UBAC2: variants seen among roughly 807,000 people sequenced by gnomAD.
The protein encoded by UBAC2 is ubiquitin-associated domain-containing protein 2.
In UBAC2, 26 loss-of-function variants were observed where a neutral mutation model predicts 44.0. That is an observed-to-expected ratio of 0.59 (90% CI 0.43 to 0.82). The LOEUF is 0.82. UBAC2 is among the 40% of genes least tolerant of loss of function. The pLI, the probability that UBAC2 is intolerant of heterozygous loss-of-function variation, is 0.00. For missense variants in UBAC2, 329 were observed against 419.4 expected, an observed-to-expected ratio of 0.78 and a Z score of 1.88; for synonymous variants, 155 against 154.3, an observed-to-expected ratio of 1.00 and a Z score of -0.04.
chr13:99,250,618 TGG>T (rs2043446292), intron 4 of UBAC2, among the ~76,000 whole-genome samples: 1 of 152,224 alleles, frequency 6.6e-6, no homozygotes, highest in South Asian at 2.1e-4. Context: ...AATGACATTG[TGG>T]TTTGCTAGGA....
At chr13:99,384,043 C>A (rs1437784481) in intron 8 of UBAC2, among the ~76,000 whole-genome samples, 1 of 152,252 alleles carries the variant, frequency 6.6e-6, no homozygotes, top group East Asian at 1.9e-4. Flanking sequence ...CATGCCCAGG[C>A]CCATGCCCGG....
At chr13:99,223,999 T>C (rs1279060253) in intron 1 of UBAC2, among the ~76,000 whole-genome samples, 2 of 152,188 alleles carry the variant, frequency 1.3e-5, no homozygotes, top group African/African-American at 2.4e-5. Context: ...TCAGGCCAAA[T>C]TGGTTGATAA....
intron 4 of UBAC2, among the ~76,000 whole-genome samples, chr13:99,300,154 C>G (rs968617391): frequency 4.6e-5 from 7 of 152,232 alleles, no homozygotes; most frequent in Admixed American, 3.9e-4. Context: ...GGAGAGGTGC[C>G]TTCCCAAATG....
chr13:99,266,266 A>G (rs1163729236), intron 4 of UBAC2, among the ~76,000 whole-genome samples: 1 of 152,042 alleles, frequency 6.6e-6, no homozygotes, highest in African/African-American at 2.4e-5. Context: ...TATTCCTCTA[A>G]AACAAGGTGG....
intron 7 of UBAC2, among the ~76,000 whole-genome samples, chr13:99,352,320 G>A (rs180893579): frequency 3.9e-4 from 59 of 152,136 alleles, no homozygotes; most frequent in Admixed American, 1.6e-3. Context: ...AAGAAACTGC[G>A]CCCCATTAGC....
At chr13:99,217,704 T>C (rs960301435) in intron 1 of UBAC2, among the ~76,000 whole-genome samples, 3 of 152,164 alleles carry the variant, frequency 2.0e-5, no homozygotes, top group African/African-American at 7.2e-5. Context: ...TTGGTCTCTG[T>C]GGAGGTTGTG....
chr13:99,364,013 T>A (rs1190041227), intron 7 of UBAC2, among the ~76,000 whole-genome samples: 1 of 152,210 alleles, frequency 6.6e-6, no homozygotes, highest in East Asian at 1.9e-4. Flanking sequence ...TGTTACTTTT[T>A]AATCATACTC....
intron 1 of UBAC2, among the ~76,000 whole-genome samples, chr13:99,210,823 G>A (rs2042930230): frequency 6.6e-6 from 1 of 152,070 alleles, no homozygotes; most frequent in Admixed American, 6.6e-5. Flanking sequence ...TGTTGGCCAG[G>A]CTGGTCTTGA....
chr13:99,301,621 CAGGTTCTTTCT>C (rs1372699379), intron 4 of UBAC2, among the ~76,000 whole-genome samples: 3 of 151,902 alleles, frequency 2.0e-5, no homozygotes, highest in Non-Finnish European at 2.9e-5. Flanking sequence ...CATGAACTGA[CAGGTTCTTTCT>C]AGCCGCAAAA....
rs903516457 is a variant in UBAC2, at chr13:99,236,943, A to T, written c.32-1484A>T. Reference sequence around the variant, plus strand: ...ACTGTTGGTGGGAATGTAAATTAGTACAGTCACGATGGAAAACAGTATGGA... The same window carrying T: ...ACTGTTGGTGGGAATGTAAATTAGTTCAGTCACGATGGAAAACAGTATGGA... On this transcript the variant is annotated intron_variant, in intron 1 of 8. Coordinates refer to ENST00000403766, the MANE Select transcript of UBAC2 (RefSeq NM_001144072.2). Among the ~76,000 whole-genome samples, 7 of 151,240 alleles carry T rather than the reference A, an allele frequency of 4.6e-5. No homozygotes were observed. In the East Asian group the frequency reaches 1.4e-3, roughly 29 times the overall value.
At chr13:99,241,879 CTGCGGCCTTCCGCAGTG>C (rs571218523) in intron 2 of UBAC2, among the ~76,000 whole-genome samples, 134 of 149,538 alleles carry the variant, frequency 9.0e-4, no homozygotes, top group African/African-American at 3.1e-3. Flanking sequence ...GCAGAGGACC[CTGCGGCCTTCCGCAGTG>C]TTTGTGTCCC....
intron 4 of UBAC2, chr13:99,254,626 A>C (rs900049580): frequency 3.6e-5 from 13 of 361,798 alleles, no homozygotes; most frequent in Non-Finnish European, 6.0e-5. Context: ...ATTAACACAC[A>C]TGTGTCGCTT....
chr13:99,321,066 A>G (rs2044561453), intron 6 of UBAC2, among the ~76,000 whole-genome samples: 2 of 152,248 alleles, frequency 1.3e-5, no homozygotes, highest in African/African-American at 2.4e-5. Context: ...TTCACATTTT[A>G]GTATTGAAAC....
rs1566509471 is a variant in UBAC2, at chr13:99,338,039, C to CTTTTTTCTTTTTTTTTTTTT, written c.562-2275_562-2274insCTTTTTTTTTTTTTTTTTTT. The stretch of plus-strand genomic sequence containing the variant: ...GCAAAAAAATCTCCTAACTTTTTTT[C>CTTTTTTCTTTTTTTTTTTTT]TTTTTTTCTTTTTTTTTTTTTTTTT... On this transcript the variant is annotated intron_variant, in intron 6 of 8. Coordinates refer to ENST00000403766, the MANE Select transcript of UBAC2 (RefSeq NM_001144072.2). Among the ~76,000 whole-genome samples the CTTTTTTCTTTTTTTTTTTTT allele has an allele frequency of 1.3e-3, 117 of 91,538 alleles. 7 individuals carry two copies. The highest frequency in any genetic ancestry group is 1.7e-3 in the Non-Finnish European group (88 of 51,816). 60.1% of individuals were successfully genotyped at this position (91,538 alleles called of 152,430 possible). A position where few individuals can be genotyped will look rare whatever the true frequency, so the allele number is the denominator to read the frequency against.
chr13:99,374,471 T>G (rs980127835), intron 8 of UBAC2, among the ~76,000 whole-genome samples: 1 of 152,236 alleles, frequency 6.6e-6, no homozygotes, highest in African/African-American at 2.4e-5. Context: ...TGGATTCTGT[T>G]TATGTCTCTG....
chr13:99,378,488 C>T (rs1427035455), intron 8 of UBAC2, among the ~76,000 whole-genome samples: 1 of 152,208 alleles, frequency 6.6e-6, no homozygotes, highest in Non-Finnish European at 1.5e-5. Flanking sequence ...GATCACATCA[C>T]TGCACTCCAA....
intron 6 of UBAC2, among the ~76,000 whole-genome samples, chr13:99,330,762 C>T (rs966752508): frequency 6.6e-6 from 1 of 152,130 alleles, no homozygotes; most frequent in Non-Finnish European, 1.5e-5. Context: ...GAGTTTTTCA[C>T]CATTGAGGCT....
intron 7 of UBAC2, among the ~76,000 whole-genome samples, chr13:99,345,737 CTTTCTTTTTTTTTTTTTT>C (rs1854289491): frequency 7.6e-6 from 1 of 131,262 alleles, no homozygotes; most frequent in African/African-American, 2.5e-5. Context: ...TTCTTTTTTT[CTTTCTTTTTTTTTTTTTT>C]TTTTTGAGAC....
chr13:99,264,022 TC>T (rs2043706552), intron 4 of UBAC2, among the ~76,000 whole-genome samples: 1 of 152,088 alleles, frequency 6.6e-6, no homozygotes, highest in Non-Finnish European at 1.5e-5. Context: ...TAAGGAAGGG[TC>T]CCCCATCATC....
Sources: allele counts gnomAD v4.1 joint callset (sites outside exome capture counted in the v4.1 genomes callset), GRCh38; gene constraint gnomAD v4.1.1; transcripts MANE v1.5; gene names NCBI Gene and HGNC (gene_info 2026-07-23, HGNC 2026-07-21).